The following NPAS3 variants were observed in gnomAD, a reference collection of about 807,000 sequenced individuals.
NPAS3 encodes the protein neuronal PAS domain protein 3.
In NPAS3, 14 loss-of-function variants were observed where a neutral mutation model predicts 73.1. That is an observed-to-expected ratio of 0.19 (90% confidence interval 0.13 to 0.30). The LOEUF (loss-of-function observed/expected upper bound fraction) is 0.30. Ranked by LOEUF, NPAS3 falls within the 10% of genes least tolerant of loss-of-function variation. The pLI is 1.00. For synonymous variants in NPAS3, 620 were observed against 541.5 expected (o/e 1.14, Z -2.01); for missense variants, 1,096 against 1,250.0 (o/e 0.88, Z 1.86).
chr14:33,097,162 G>C (rs538956609), intron 2 of NPAS3, among the ~76,000 whole-genome samples: 9 of 152,146 alleles, frequency 5.9e-5, no homozygotes, highest in African/African-American at 1.7e-4. Flanking sequence ...AGGATCGCCT[G>C]AGCCCAGGAA....
chr14:33,693,056 C>T (rs1404290014), intron 6 of NPAS3, among the ~76,000 whole-genome samples: 3 of 151,900 alleles, frequency 2.0e-5, no homozygotes, highest in African/African-American at 7.3e-5. Context: ...ACCACATCTT[C>T]CTTAATATTT....
chr14:33,230,808 A>G (rs192294363), intron 3 of NPAS3, among the ~76,000 whole-genome samples: 34 of 152,322 alleles, frequency 2.2e-4, no homozygotes, highest in Admixed American at 1.8e-3. Flanking sequence ...AAAATGCTCA[A>G]TTAAATGGAG....
At chr14:33,273,127 T>C (rs973163056) in intron 3 of NPAS3, among the ~76,000 whole-genome samples, 10 of 152,288 alleles carry the variant, frequency 6.6e-5, no homozygotes, top group African/African-American at 2.4e-4. Flanking sequence ...CTGCACAGTG[T>C]GTGGCTTGAC....
intron 7 of NPAS3, among the ~76,000 whole-genome samples, chr14:33,745,360 T>C (rs575890930): frequency 8.1e-4 from 124 of 152,350 alleles, no homozygotes; most frequent in South Asian, 3.7e-3. Flanking sequence ...TGAAGAGTGA[T>C]AACCAGAGCA....
At chr14:33,346,775 G>C (rs1345294434) in intron 3 of NPAS3, among the ~76,000 whole-genome samples, 1 of 152,164 alleles carries the variant, frequency 6.6e-6, no homozygotes, top group African/African-American at 2.4e-5. Flanking sequence ...ATGTATTACA[G>C]TTCCTGGGAA....
chr14:33,582,969 G>GT (rs2056725943), intron 5 of NPAS3, among the ~76,000 whole-genome samples: 5 of 51,154 alleles, frequency 9.8e-5, no homozygotes, highest in Non-Finnish European at 1.7e-4. Flanking sequence ...ATATTTAAAG[G>GT]GTTTTTTTTT....
chr14:33,747,602 G>A (rs1490746724), intron 7 of NPAS3, among the ~76,000 whole-genome samples: 2 of 152,204 alleles, frequency 1.3e-5, no homozygotes, highest in Non-Finnish European at 2.9e-5. Context: ...GTTACATCTA[G>A]GGAAGAAGCT....
chr14:33,254,131 G>A (rs1016255309), intron 3 of NPAS3, among the ~76,000 whole-genome samples: 6 of 151,904 alleles, frequency 3.9e-5, no homozygotes, highest in Admixed American at 1.3e-4. Flanking sequence ...TGGGGTCCTC[G>A]CATGCAGTCT....
chr14:33,492,079 C>A (rs1034624188), intron 4 of NPAS3, among the ~76,000 whole-genome samples: 1 of 152,122 alleles, frequency 6.6e-6, no homozygotes, highest in African/African-American at 2.4e-5. Context: ...AAGTGCTATG[C>A]AAACATTCAG....
chr14:33,414,974 A>G (rs758376378), intron 4 of NPAS3, among the ~76,000 whole-genome samples: 1 of 152,134 alleles, frequency 6.6e-6, no homozygotes, highest in Non-Finnish European at 1.5e-5. Flanking sequence ...TCATTAAGAC[A>G]TGCTGAAAGT....
Position 33,797,661 on chromosome 14 carries a change from C to G in NPAS3, c.1426+80C>G, listed in dbSNP as rs887896851. On this transcript the variant is annotated intron_variant, in intron 11 of 11. Coordinates refer to ENST00000356141, the Ensembl canonical transcript of NPAS3. ...GGGTGGGCAACAGCCAGAGGGCCAT[C>G]ATCAGAGGCAAAGCAACTGGTCACA... 35 of 1,425,864 alleles carry G rather than the reference C, an allele frequency of 2.5e-5. No individual in the cohort carries two copies. In the Admixed American group the frequency reaches 6.4e-4, roughly 26 times the overall value. 88.3% of individuals were successfully genotyped at this position (1,425,864 alleles called of 1,614,324 possible).
intron 4 of NPAS3, among the ~76,000 whole-genome samples, chr14:33,458,834 C>T (rs975070470): frequency 5.3e-5 from 8 of 152,124 alleles, no homozygotes; most frequent in African/African-American, 1.9e-4. Flanking sequence ...AGTTTTGTTA[C>T]AGGAAAGGGG....
At chr14:33,216,320 C>T (rs1361900770) in intron 3 of NPAS3, among the ~76,000 whole-genome samples, 1 of 152,122 alleles carries the variant, frequency 6.6e-6, no homozygotes, top group East Asian at 1.9e-4. Context: ...TACATCTTGC[C>T]AACTACCTTT....
In NPAS3 at chr14:33,506,438, A is replaced by G. The variant is rs74044823; in HGVS notation, c.469-53683A>G. On this transcript the variant is annotated intron_variant, in intron 4 of 11. Coordinates refer to ENST00000356141, the Ensembl canonical transcript of NPAS3. Reference sequence around the variant, plus strand: ...GATTAAATGGAAGGATTAAAAGGAGACTCCTTCCTTGTATCTCATATTTAC... The same window carrying G: ...GATTAAATGGAAGGATTAAAAGGAGGCTCCTTCCTTGTATCTCATATTTAC... Among the ~76,000 whole-genome samples, 1,114 of 151,602 alleles carry G rather than the reference A, an allele frequency of 7.3e-3. 12 individuals are homozygous for G. Among genetic ancestry groups the G allele is most frequent in the African/African-American group, 0.026 (1,067 of 41,342 alleles).
At chr14:33,731,797 CTGAGA>C (rs1189176726) in intron 6 of NPAS3, among the ~76,000 whole-genome samples, 2 of 152,106 alleles carry the variant, frequency 1.3e-5, no homozygotes, top group African/African-American at 2.4e-5. Flanking sequence ...ATTTCAAGAG[CTGAGA>C]TAATTTAGGT....
At chr14:33,179,886 G>A (rs2045729359) in intron 2 of NPAS3, among the ~76,000 whole-genome samples, 1 of 152,128 alleles carries the variant, frequency 6.6e-6, no homozygotes, top group Non-Finnish European at 1.5e-5. Context: ...CATTTTAGAG[G>A]TCACCAAGAT....
chr14:33,633,571 G>C (rs566804735), intron 5 of NPAS3, among the ~76,000 whole-genome samples: 1 of 152,280 alleles, frequency 6.6e-6, no homozygotes, highest in Admixed American at 6.5e-5. Context: ...ACTGCATACT[G>C]TAGGTAACTT....
intron 7 of NPAS3, among the ~76,000 whole-genome samples, chr14:33,741,436 TACAG>T (rs1049383451): frequency 2.0e-5 from 3 of 152,126 alleles, no homozygotes; most frequent in African/African-American, 7.2e-5. Flanking sequence ...GGGTGGAACT[TACAG>T]GCAGAGGTTA....
chr14:33,129,380 A>C (rs2043550519), intron 2 of NPAS3, among the ~76,000 whole-genome samples: 1 of 152,168 alleles, frequency 6.6e-6, no homozygotes, highest in Non-Finnish European at 1.5e-5. Context: ...ACACATGTGA[A>C]TATTGATAGC....
Sources: allele counts gnomAD v4.1 joint callset (sites outside exome capture counted in the v4.1 genomes callset), GRCh38; gene constraint gnomAD v4.1.1; transcripts MANE v1.5; gene names NCBI Gene and HGNC (gene_info 2026-07-23, HGNC 2026-07-21).